SI: variants seen among roughly 807,000 people sequenced by gnomAD.
The protein encoded by SI is sucrase-isomaltase, also known as sucrase-isomaltase, intestinal.
Under a neutral mutation model 253.3 loss-of-function variants are expected in SI, and 235 were observed. That is an observed-to-expected ratio of 0.93 (90% CI 0.83 to 1.03). The LOEUF is 1.03. Ranked by LOEUF, SI falls within the 50% of genes least tolerant of loss-of-function variation. SI has a pLI of 0.00. For missense variants in SI, 2,442 were observed against 2,211.1 expected (o/e 1.10, Z -2.09); for synonymous variants, 819 against 712.0 (o/e 1.15, Z -2.39).
Position 165,062,380 on chromosome 3 carries a change from C to T in SI, c.1011G>A (p.Gln337=). Reference sequence around the variant, plus strand: ...TAGACCTGAAACACACCTGTTGATACTGTTGAACTACTTGTTCTGGTGTAT... The same window carrying T: ...TAGACCTGAAACACACCTGTTGATATTGTTGAACTACTTGTTCTGGTGTAT... ...LGDTPEQVVQ[Q]YQQLVGLPAM... Residue 337 remains glutamine, a synonymous_variant, in exon 9 of 48, where the codon CAG becomes CAA. Coordinates refer to ENST00000264382, the MANE Select transcript of SI (RefSeq NM_001041.4). The T allele has an allele frequency of 6.5e-7, 1 of 1,531,348 alleles. No homozygotes were observed. The highest frequency in any genetic ancestry group is 9.0e-7 in the Non-Finnish European group (1 of 1,105,296). 94.9% of individuals were successfully genotyped at this position (1,531,348 alleles called of 1,614,324 possible). A position where few individuals can be genotyped will look rare whatever the true frequency, so the allele number is the denominator to read the frequency against.
At chr3:165,068,684 T>G in intron 5 of SI, 38 bp downstream of exon 5, 1 of 1,462,836 alleles carries the variant, frequency 6.8e-7, no homozygotes, top group Non-Finnish European at 9.6e-7. Flanking sequence ...ATCAAATGTC[T>G]TTTAGTATTA....
intron 33 of SI, among the ~76,000 whole-genome samples, chr3:165,014,496 G>T (rs181254942): frequency 1.3e-5 from 2 of 152,100 alleles, no homozygotes; most frequent in Admixed American, 6.6e-5. Flanking sequence ...TGATCCGCCC[G>T]CCTTGGCCTC....
At chr3:165,059,783 G>T (rs563808730) in intron 10 of SI, 119 bp downstream of exon 10, 5 of 1,029,188 alleles carry the variant, frequency 4.9e-6, no homozygotes, top group Non-Finnish European at 7.4e-6. Context: ...TTAAAAGGCA[G>T]CCTCTTAATT....
At chr3:165,023,065 C>G (rs1328027581) in intron 26 of SI, among the ~76,000 whole-genome samples, 1 of 151,384 alleles carries the variant, frequency 6.6e-6, no homozygotes, top group Non-Finnish European at 1.5e-5. Context: ...AAGAAAATAT[C>G]TTTGGAAATA....
At chr3:164,984,393 T>A (rs1717340202) in intron 45 of SI, among the ~76,000 whole-genome samples, 1 of 152,170 alleles carries the variant, frequency 6.6e-6, no homozygotes, top group Non-Finnish European at 1.5e-5. Flanking sequence ...TAATTTAATA[T>A]GTATTACAAG....
chr3:165,003,897 A>G (rs920563503), intron 37 of SI, among the ~76,000 whole-genome samples: 1 of 152,116 alleles, frequency 6.6e-6, no homozygotes, highest in Non-Finnish European at 1.5e-5. Flanking sequence ...TGAGAAGACC[A>G]TTAAACAACT....
Position 164,983,065 on chromosome 3 carries a change from A to G in SI, c.5198-14T>C, listed in dbSNP as rs1221283703. Reference sequence around the variant, plus strand: ...TTTCATAGGTGTCTGTAGAGAGAGAAAAAAAATGTGATATATTGTTATTTC... The same window carrying G: ...TTTCATAGGTGTCTGTAGAGAGAGAGAAAAAATGTGATATATTGTTATTTC... On this transcript the variant is annotated splice_polypyrimidine_tract_variant and intron_variant, in intron 45 of 47. Transcript: ENST00000264382. 19 of 1,541,544 alleles carry G rather than the reference A, an allele frequency of 1.2e-5. No homozygotes were observed. The highest frequency in any genetic ancestry group is 1.5e-5 in the Non-Finnish European group (17 of 1,122,650).
intron 40 of SI, among the ~76,000 whole-genome samples, chr3:164,995,958 A>G (rs1717990196): frequency 6.6e-6 from 1 of 151,786 alleles, no homozygotes; most frequent in African/African-American, 2.4e-5. Context: ...TCCCAATATT[A>G]CAGCTTTCTA....
At chr3:165,005,358 A>T (rs1718454658) in intron 37 of SI, among the ~76,000 whole-genome samples, 1 of 152,098 alleles carries the variant, frequency 6.6e-6, no homozygotes, top group Non-Finnish European at 1.5e-5. Flanking sequence ...GTGTAATTGG[A>T]TTGTTTGTAA....
At chr3:165,057,821 A>G (rs1713771991) in intron 12 of SI, among the ~76,000 whole-genome samples, 1 of 152,008 alleles carries the variant, frequency 6.6e-6, no homozygotes, top group Non-Finnish European at 1.5e-5. Flanking sequence ...AACACCAGAC[A>G]AGTCCTATAA....
At position 165,019,869 on chromosome 3, in the gene SI, A is replaced by G. The variant is rs559146349; in HGVS notation, c.3255-99T>C. 2.8e-5 allele frequency: 31 copies of G among 1,105,174 alleles called. No individual in the cohort carries two copies. In the East Asian group the frequency reaches 7.1e-4, roughly 25 times the overall value. 68.5% of individuals were successfully genotyped at this position (1,105,174 alleles called of 1,614,324 possible). A position where few individuals can be genotyped will look rare whatever the true frequency, so the allele number is the denominator to read the frequency against. The stretch of plus-strand genomic sequence containing the variant: ...TCTTTCTTAGATTATCTAAAAATCA[A>G]TATTATTTTCCATATTCCTAATTAT... On this transcript the variant is annotated intron_variant, in intron 27 of 47. Transcript: ENST00000264382.
intron 43 of SI, among the ~76,000 whole-genome samples, chr3:164,991,806 G>T (rs1717748236): frequency 6.6e-6 from 1 of 152,038 alleles, no homozygotes; most frequent in African/African-American, 2.4e-5. Flanking sequence ...CATGCCTAAA[G>T]TGTGTGGATT....
intron 17 of SI, among the ~76,000 whole-genome samples, chr3:165,042,351 A>G (rs1712881319): frequency 6.6e-6 from 1 of 152,068 alleles, no homozygotes. Context: ...TAAGCCCTGT[A>G]TGCAACCAGT....
intron 40 of SI, among the ~76,000 whole-genome samples, chr3:164,994,685 A>G (rs1717930701): frequency 6.6e-6 from 1 of 151,702 alleles, no homozygotes; most frequent in Non-Finnish European, 1.5e-5. Context: ...TGGATGACAA[A>G]TATGTTGTCA....
At chr3:164,987,311 T>C (rs2108117319) in intron 44 of SI, 85 bp from the exon 45 acceptor site, 2 of 1,108,194 alleles carry the variant, frequency 1.8e-6, no homozygotes, top group African/African-American at 1.5e-5. Flanking sequence ...TAAGGATCTA[T>C]AGGAACCCAA....
intron 45 of SI, among the ~76,000 whole-genome samples, chr3:164,986,068 TA>T: frequency 6.6e-6 from 1 of 152,134 alleles, no homozygotes; most frequent in East Asian, 1.9e-4. Context: ...AGAGTAGATA[TA>T]AAAACACAGA....
intron 16 of SI, among the ~76,000 whole-genome samples, chr3:165,046,149 C>T (rs941917588): frequency 1.3e-5 from 2 of 152,042 alleles, no homozygotes; most frequent in African/African-American, 4.8e-5. Flanking sequence ...AATTTTCAAA[C>T]ACAAGATTGT....
chr3:165,013,764 A>G (rs1265108200), intron 33 of SI, among the ~76,000 whole-genome samples: 1 of 152,178 alleles, frequency 6.6e-6, no homozygotes, highest in African/African-American at 2.4e-5. Flanking sequence ...AAGGGGAGAA[A>G]TGGTAGAAAT....
chr3:164,996,632 C>T lies in SI; in HGVS notation c.4595G>A (p.Gly1532Asp). The change falls in exon 40 of 48, where the codon GGT becomes GAT. Residue 1532 changes from glycine (G) to aspartate (D), a missense_variant. Transcript: ENST00000264382. ...GMSYTGADIC[G>D]FFNNSEYHLC... is the part of the protein sequence containing the mutation. ...ATGATATTCTGAGTTGTTGAAAAAACCACAGATGTCTGCTCCAGTCTAAAA... is the reference window on the plus strand; with the variant it reads ...ATGATATTCTGAGTTGTTGAAAAAATCACAGATGTCTGCTCCAGTCTAAAA... 3 of 1,596,668 alleles carry T rather than the reference C, an allele frequency of 1.9e-6. No homozygotes were observed. Among genetic ancestry groups the T allele is most frequent in the Non-Finnish European group, 1.7e-6 (2 of 1,164,998 alleles).
Sources: gnomAD v4.1 joint callset for allele counts (sites outside exome capture counted in the v4.1 genomes callset) on GRCh38, gnomAD v4.1.1 for gene constraint, MANE v1.5 for transcripts, NCBI Gene and HGNC (gene_info 2026-07-23, HGNC 2026-07-21) for gene names.